The following ALCAM variants were observed in gnomAD, a reference collection of about 807,000 sequenced individuals.
ALCAM encodes CD166 antigen.
ALCAM carries 30 observed loss-of-function variants against 70.9 expected under a neutral mutation model. The ratio of observed to expected loss-of-function variants is 0.42; its 90% CI spans 0.32 to 0.57. The LOEUF (loss-of-function observed/expected upper bound fraction) is 0.57, where lower values mean the gene tolerates loss of function less well. ALCAM is among the 20% of genes least tolerant of loss of function. The pLI, the probability that ALCAM is intolerant of heterozygous loss-of-function variation, is 0.11. For missense variants in ALCAM, 591 were observed against 695.1 expected (o/e 0.85, Z 1.68); for synonymous variants, 249 against 242.5 (o/e 1.03, Z -0.25).
intron 1 of ALCAM, among the ~76,000 whole-genome samples, chr3:105,465,831 G>T (rs1451656313): frequency 3.3e-5 from 5 of 151,226 alleles, no homozygotes; most frequent in Non-Finnish European, 5.9e-5. Flanking sequence ...CTATATTTCA[G>T]ATTAAATCTG....
At chr3:105,525,715 G>A (rs1939688003) in intron 3 of ALCAM, among the ~76,000 whole-genome samples, 1 of 152,296 alleles carries the variant, frequency 6.6e-6, no homozygotes, top group East Asian at 1.9e-4. Flanking sequence ...GGCTCATGAT[G>A]CAGATTCAAA....
chr3:105,486,467 A>G (rs1938430617), intron 1 of ALCAM, among the ~76,000 whole-genome samples: 1 of 152,126 alleles, frequency 6.6e-6, no homozygotes, highest in Non-Finnish European at 1.5e-5. Context: ...TTTTATCTTT[A>G]TATTGTACTT....
intron 1 of ALCAM, 123 bp downstream of exon 1, chr3:105,367,604 G>C (rs544516661): frequency 1.8e-6 from 2 of 1,116,084 alleles, no homozygotes; most frequent in Non-Finnish European, 2.6e-6. Context: ...TAAGGGGACC[G>C]CTGTCCTGGC....
At chr3:105,510,070 A>G (rs537752553) in intron 1 of ALCAM, among the ~76,000 whole-genome samples, 1 of 152,218 alleles carries the variant, frequency 6.6e-6, no homozygotes, top group African/African-American at 2.4e-5. Context: ...TCTGAAAAGC[A>G]GATGTCAAAA....
chr3:105,382,160 A>C (rs1049792546), intron 1 of ALCAM, among the ~76,000 whole-genome samples: 6 of 146,170 alleles, frequency 4.1e-5, no homozygotes, highest in African/African-American at 1.5e-4. Context: ...TCATTGTTCA[A>C]TTCCCATCTA....
rs538422964 is a variant in ALCAM, at chr3:105,569,803, T to C, written c.1665-2049T>C. 5.9e-5 allele frequency among the ~76,000 whole-genome samples: 9 copies of C among 152,254 alleles called. No individual in the cohort carries two copies. In the South Asian group the frequency reaches 1.9e-3, roughly 32 times the overall value. Reference sequence around the variant, plus strand: ...CATCTCAGTGTTTCCTTGGGGCAGATGGATGGAGAAATGAGCTAAGAGCTT... The same window carrying C: ...CATCTCAGTGTTTCCTTGGGGCAGACGGATGGAGAAATGAGCTAAGAGCTT... On this transcript the variant is annotated intron_variant, in intron 14 of 15. Coordinates refer to ENST00000306107, the MANE Select transcript of ALCAM (RefSeq NM_001627.4).
intron 14 of ALCAM, among the ~76,000 whole-genome samples, chr3:105,561,900 G>C (rs1032399443): frequency 1.3e-5 from 2 of 152,156 alleles, no homozygotes; most frequent in Non-Finnish European, 2.9e-5. Context: ...TGTAACAAAA[G>C]CATGGAGTAT....
intron 1 of ALCAM, among the ~76,000 whole-genome samples, chr3:105,433,015 T>A (rs1487447301): frequency 6.6e-6 from 1 of 152,132 alleles, no homozygotes; most frequent in Non-Finnish European, 1.5e-5. Context: ...CAGAAGACTT[T>A]AAGAAGTGGC....
At chr3:105,562,930 T>C (rs1414356961) in intron 14 of ALCAM, among the ~76,000 whole-genome samples, 1 of 152,102 alleles carries the variant, frequency 6.6e-6, no homozygotes, top group Non-Finnish European at 1.5e-5. Context: ...CTCAGCCTCC[T>C]GAGTAGCTGG....
At chr3:105,558,116 TG>T (rs1940557570) in intron 14 of ALCAM, among the ~76,000 whole-genome samples, 1 of 152,024 alleles carries the variant, frequency 6.6e-6, no homozygotes, top group Admixed American at 6.6e-5. Context: ...CCTAACTACC[TG>T]CACAGGTATC....
intron 1 of ALCAM, among the ~76,000 whole-genome samples, chr3:105,501,913 CA>C (rs1474700429): frequency 1.3e-5 from 2 of 152,174 alleles, no homozygotes; most frequent in Non-Finnish European, 2.9e-5. Flanking sequence ...CAATCTAAAG[CA>C]AACTCAAGTT....
chr3:105,510,632 T>C (rs1939211892), intron 1 of ALCAM, among the ~76,000 whole-genome samples: 1 of 152,052 alleles, frequency 6.6e-6, no homozygotes, highest in African/African-American at 2.4e-5. Context: ...GGAAACCATC[T>C]GAGAGCAGGC....
At chr3:105,419,539 T>C (rs1332926884) in intron 1 of ALCAM, among the ~76,000 whole-genome samples, 1 of 151,684 alleles carries the variant, frequency 6.6e-6, no homozygotes. Context: ...GCAGAGAACA[T>C]AGCAACTGCA....
chr3:105,384,776 T>A (rs987814221), intron 1 of ALCAM, among the ~76,000 whole-genome samples: 2 of 151,584 alleles, frequency 1.3e-5, no homozygotes, highest in African/African-American at 4.8e-5. Context: ...TTAAAAACTG[T>A]GACTCTTTTT....
chr3:105,564,532 G>A (rs1057221193), intron 14 of ALCAM, among the ~76,000 whole-genome samples: 7 of 152,174 alleles, frequency 4.6e-5, no homozygotes, highest in Admixed American at 2.0e-4. Context: ...GGGAGTGCAT[G>A]TCTACCGCCA....
intron 14 of ALCAM, among the ~76,000 whole-genome samples, chr3:105,559,872 A>G (rs188370860): frequency 6.6e-4 from 101 of 152,250 alleles, no homozygotes; most frequent in African/African-American, 2.3e-3. Flanking sequence ...AGATTTATTC[A>G]TGTTGTTACA....
intron 1 of ALCAM, among the ~76,000 whole-genome samples, chr3:105,478,111 A>G (rs1015622665): frequency 2.0e-5 from 3 of 151,864 alleles, no homozygotes; most frequent in Non-Finnish European, 4.4e-5. Flanking sequence ...TTCTTCTACT[A>G]TCTAGTAATT....
At position 105,461,748 on chromosome 3, in the gene ALCAM, C is replaced by G. The variant is rs28626801; in HGVS notation, c.74-58319C>G. On this transcript the variant is annotated intron_variant, in intron 1 of 15. Transcript: ENST00000306107. ...AACTCCTGGTTTATTGTTTTATCTT[C>G]CATGTTCTACCACCTCCTATTTGAT... Among the ~76,000 whole-genome samples the G allele has an allele frequency of 1.5e-3, 228 of 151,864 alleles. 1 individual carries two copies. The highest frequency in any genetic ancestry group is 5.2e-3 in the African/African-American group (217 of 41,500).
chr3:105,520,203 C>G (rs1440016429), intron 2 of ALCAM, 36 bp downstream of exon 2: 4 of 1,403,084 alleles, frequency 2.9e-6, no homozygotes, highest in Non-Finnish European at 4.0e-6. Context: ...GTTAATTGCC[C>G]TTGTTCTTTT....
Sources: gnomAD v4.1 joint callset for allele counts (sites outside exome capture counted in the v4.1 genomes callset) on GRCh38, gnomAD v4.1.1 for gene constraint, MANE v1.5 for transcripts, NCBI Gene and HGNC (gene_info 2026-07-23, HGNC 2026-07-21) for gene names.